The following SDK1 variants were observed in gnomAD, a reference collection of about 807,000 sequenced individuals.
SDK1 encodes sidekick cell adhesion molecule 1.
Under a neutral mutation model 245.5 loss-of-function variants are expected in SDK1, and 157 were observed. The observed-to-expected ratio is 0.64, with a 90% CI of 0.56 to 0.73. The LOEUF is 0.73. Among genes scored for constraint, SDK1 ranks in the 30% least tolerant of loss-of-function variants. The pLI is 0.00. For synonymous variants in SDK1, 1,647 were observed against 1,278.5 expected, an observed-to-expected ratio of 1.29 and a Z score of -6.15; for missense variants, 3,583 against 3,002.3, an observed-to-expected ratio of 1.19 and a Z score of -4.52.
chr7:3,568,466 G>C (rs1017983965), intron 1 of SDK1, among the ~76,000 whole-genome samples: 1 of 151,934 alleles, frequency 6.6e-6, no homozygotes, highest in African/African-American at 2.4e-5. Context: ...GGAGACCATG[G>C]GTGATTCACC....
chr7:3,831,741 A>G (rs1583458906), intron 5 of SDK1, among the ~76,000 whole-genome samples: 1 of 151,970 alleles, frequency 6.6e-6, no homozygotes, highest in East Asian at 1.9e-4. Flanking sequence ...CCTGTATGTA[A>G]ATATCGTATC....
At chr7:3,849,390 C>T (rs932885557) in intron 5 of SDK1, among the ~76,000 whole-genome samples, 7 of 152,156 alleles carry the variant, frequency 4.6e-5, no homozygotes, top group South Asian at 2.1e-4. Flanking sequence ...TAGTGCAAAG[C>T]CCAGGACACA....
chr7:3,450,249 AC>A (rs1427307895), intron 1 of SDK1, among the ~76,000 whole-genome samples: 2 of 152,204 alleles, frequency 1.3e-5, no homozygotes, highest in African/African-American at 2.4e-5. Flanking sequence ...AAGACCTCTT[AC>A]CCCAAACTAA....
At chr7:4,211,872 G>A (rs1393948924) in intron 38 of SDK1, among the ~76,000 whole-genome samples, 4 of 152,224 alleles carry the variant, frequency 2.6e-5, no homozygotes, top group Admixed American at 1.3e-4. Flanking sequence ...GCCTCCCAAA[G>A]TGCTGGGATT....
chr7:4,191,976 C>T (rs978122159), intron 35 of SDK1, among the ~76,000 whole-genome samples: 4 of 152,234 alleles, frequency 2.6e-5, no homozygotes, highest in African/African-American at 7.2e-5. Context: ...CCAGGCCTCT[C>T]TCAAACCCTC....
At chr7:3,837,864 T>A in intron 5 of SDK1, among the ~76,000 whole-genome samples, 1 of 152,196 alleles carries the variant, frequency 6.6e-6, no homozygotes, top group South Asian at 2.1e-4. Context: ...GCATTTTGCA[T>A]ACAAAAGGGA....
intron 22 of SDK1, among the ~76,000 whole-genome samples, chr7:4,109,474 T>C (rs1783187259): frequency 6.6e-6 from 1 of 152,232 alleles, no homozygotes; most frequent in Non-Finnish European, 1.5e-5. Flanking sequence ...TTTAAGCCAC[T>C]TACGAAGTGT....
intron 23 of SDK1, among the ~76,000 whole-genome samples, chr7:4,112,035 T>G (rs1182563041): frequency 6.6e-6 from 1 of 152,120 alleles, no homozygotes; most frequent in African/African-American, 2.4e-5. Flanking sequence ...CTGACAAAGT[T>G]TATTCTGCCA....
At chr7:3,941,495 T>G (rs1342719883) in intron 5 of SDK1, among the ~76,000 whole-genome samples, 1 of 152,104 alleles carries the variant, frequency 6.6e-6, no homozygotes, top group Non-Finnish European at 1.5e-5. Flanking sequence ...AACTGCTTCC[T>G]TTTTCCCAAA....
intron 1 of SDK1, among the ~76,000 whole-genome samples, chr7:3,370,284 C>T (rs1781189423): frequency 6.6e-6 from 1 of 152,154 alleles, no homozygotes; most frequent in Non-Finnish European, 1.5e-5. Context: ...AAGCAGATGG[C>T]TCTTTCTCTT....
intron 1 of SDK1, among the ~76,000 whole-genome samples, chr7:3,615,545 G>A (rs952759590): frequency 4.6e-5 from 7 of 151,644 alleles, no homozygotes; most frequent in African/African-American, 7.2e-5. Context: ...GATTATAAGC[G>A]CTTAAGGGAC....
chr7:4,085,979 T>G (rs1273783690), intron 22 of SDK1, among the ~76,000 whole-genome samples: 1 of 152,262 alleles, frequency 6.6e-6, no homozygotes, highest in Non-Finnish European at 1.5e-5. Context: ...TGTTCATTTG[T>G]CTCCTTACCC....
intron 1 of SDK1, among the ~76,000 whole-genome samples, chr7:3,546,949 A>T (rs1461420154): frequency 6.6e-6 from 1 of 152,228 alleles, no homozygotes; most frequent in Non-Finnish European, 1.5e-5. Context: ...CTATGAAGTC[A>T]TCTTTTCACA....
chr7:4,076,998 G>T lies in SDK1; in HGVS notation c.3011G>T (p.Gly1004Val). 6.2e-7 allele frequency: 1 copy of T among 1,613,690 alleles called. No homozygotes were observed. Among genetic ancestry groups the T allele is most frequent in the Non-Finnish European group, 8.5e-7 (1 of 1,179,944 alleles). ...CTGGTCTGGTCCTGTTGCTTTCTAG[G>T]CTATCAGATCTCTTGGGAAGTGTAC... ...EPLEKNGIITGYQISWEVYGR... is the reference protein window; with the variant it reads ...EPLEKNGIITVYQISWEVYGR... Residue 1004 changes from glycine to valine, a missense_variant and splice_region_variant, in exon 21 of 45, where the codon GGC (glycine) becomes GTC (valine). By Grantham distance (109) the Gly-to-Val change is moderately radical (BLOSUM62 -3). Transcript: ENST00000404826.
chr7:3,587,329 C>G (rs575856134), intron 1 of SDK1, among the ~76,000 whole-genome samples: 32 of 145,622 alleles, frequency 2.2e-4, no homozygotes, highest in Non-Finnish European at 4.1e-4. Context: ...GTGTGTGTGT[C>G]TAAAGAGATT....
chr7:4,164,286 G>A (rs563246864), intron 32 of SDK1, among the ~76,000 whole-genome samples: 1 of 152,200 alleles, frequency 6.6e-6, no homozygotes, highest in Non-Finnish European at 1.5e-5. Context: ...ACTTGCCATC[G>A]GGTGACTGTG....
chr7:4,222,455 C>T (rs1414344284), intron 40 of SDK1, among the ~76,000 whole-genome samples: 9 of 152,050 alleles, frequency 5.9e-5, no homozygotes, highest in Non-Finnish European at 1.0e-4. Flanking sequence ...CCATCACGCC[C>T]GGCTAATTTT....
intron 1 of SDK1, among the ~76,000 whole-genome samples, chr7:3,537,469 G>C (rs553871075): frequency 1.1e-4 from 16 of 152,272 alleles, no homozygotes; most frequent in Non-Finnish European, 2.4e-4. Context: ...GGAGGGTTAG[G>C]TTGGACTGTA....
At chr7:3,424,766 G>A (rs893520894) in intron 1 of SDK1, among the ~76,000 whole-genome samples, 2 of 152,000 alleles carry the variant, frequency 1.3e-5, no homozygotes, top group African/African-American at 4.8e-5. Flanking sequence ...GCATGGTGGC[G>A]TGCACCTGTA....
Sources: gnomAD v4.1 joint callset for allele counts (sites outside exome capture counted in the v4.1 genomes callset) on GRCh38, gnomAD v4.1.1 for gene constraint, MANE v1.5 for transcripts, NCBI Gene and HGNC (gene_info 2026-07-23, HGNC 2026-07-21) for gene names.